Variants in SPATA6 observed in about 807,000 individuals in gnomAD.
SPATA6 encodes the protein spermatogenesis-associated protein 6.
Under a neutral mutation model 65.3 loss-of-function variants are expected in SPATA6, and 56 were observed. The ratio of observed to expected loss-of-function variants is 0.86; its 90% CI spans 0.69 to 1.07. SPATA6 has a LOEUF of 1.07. Ranked by LOEUF, SPATA6 falls within the 50% of genes least tolerant of loss-of-function variation. SPATA6 has a pLI of 0.00. For missense variants in SPATA6, 590 were observed against 594.8 expected, an observed-to-expected ratio of 0.99 and a Z score of 0.08; for synonymous variants, 199 against 213.2, an observed-to-expected ratio of 0.93 and a Z score of 0.58.
In SPATA6 at chr1:48,403,463, C is replaced by T. The variant is rs867065244; in HGVS notation, c.486+339G>A. 2.0e-5 allele frequency among the ~76,000 whole-genome samples: 3 copies of T among 152,266 alleles called. 1 individual carries two copies. Among genetic ancestry groups the T allele is most frequent in the Middle Eastern group, 6.8e-3 (2 of 294 alleles). ...TTGCAGTATTCTGTAACTTCCATAACATTTAAAGAAGCCTAGATCTCTGTG... is the reference window on the plus strand; with the variant it reads ...TTGCAGTATTCTGTAACTTCCATAATATTTAAAGAAGCCTAGATCTCTGTG... On this transcript the variant is annotated intron_variant, in intron 6 of 12. Transcript: ENST00000371847.
intron 1 of SPATA6, among the ~76,000 whole-genome samples, chr1:48,460,452 T>C (rs1031019248): frequency 1.3e-5 from 2 of 152,130 alleles, no homozygotes; most frequent in Non-Finnish European, 2.9e-5. Flanking sequence ...AAATCTGATA[T>C]CAAACATACT....
chr1:48,456,700 A>T (rs1428159928), intron 1 of SPATA6, among the ~76,000 whole-genome samples: 1 of 152,170 alleles, frequency 6.6e-6, no homozygotes, highest in Non-Finnish European at 1.5e-5. Context: ...AACAGAACCA[A>T]ATAAAAATTC....
At chr1:48,437,129 A>G in intron 3 of SPATA6, 1 of 1,600,400 alleles carries the variant, frequency 6.2e-7, no homozygotes, top group Non-Finnish European at 8.6e-7. Context: ...CCTCCTGCTT[A>G]TAACAAGCCA....
chr1:48,311,959 C>A (rs1168301732), intron 11 of SPATA6, among the ~76,000 whole-genome samples: 1 of 152,202 alleles, frequency 6.6e-6, no homozygotes, highest in Non-Finnish European at 1.5e-5. Context: ...GCCCACGGAG[C>A]CTCACTCATT....
At position 48,336,264 on chromosome 1, in the gene SPATA6, C is replaced by A. The variant is rs527570123; in HGVS notation, c.1194+19406G>T. On this transcript the variant is annotated intron_variant, in intron 11 of 12. Coordinates refer to ENST00000371847, the MANE Select transcript of SPATA6 (RefSeq NM_019073.4). ...AAAACAGAACTACCATTCAACCCAG[C>A]AATCCCATGCCTGGGTATATATTCA... 2.6e-5 allele frequency among the ~76,000 whole-genome samples: 4 copies of A among 152,158 alleles called. No individual in the cohort carries two copies. The South Asian group carries it at 8.3e-4, about 32-fold the overall frequency.
intron 11 of SPATA6, among the ~76,000 whole-genome samples, chr1:48,350,610 C>A (rs1646490630): frequency 6.6e-6 from 1 of 151,870 alleles, no homozygotes; most frequent in South Asian, 2.1e-4. Context: ...AATCTAGAAC[C>A]ATTTGTTTAA....
intron 11 of SPATA6, among the ~76,000 whole-genome samples, chr1:48,308,469 A>G (rs934380331): frequency 1.3e-5 from 2 of 152,164 alleles, no homozygotes; most frequent in Non-Finnish European, 2.9e-5. Context: ...TAAATCAGAT[A>G]TAAGAACTAA....
Position 48,445,434 on chromosome 1 carries a change from C to T in SPATA6, c.238+6118G>A, listed in dbSNP as rs561521284. Among the ~76,000 whole-genome samples, 126 of 152,128 alleles carry T rather than the reference C, an allele frequency of 8.3e-4. 1 individual carries two copies. The highest frequency in any genetic ancestry group is 2.8e-3 in the African/African-American group (118 of 41,504). On this transcript the variant is annotated intron_variant, in intron 3 of 12. Transcript: ENST00000371847. ...ATCCCAGCACTTTGGGAGGCCAAGGCGGGTGAATCACGAGGTCAGATCGAG... is the reference window on the plus strand; with the variant it reads ...ATCCCAGCACTTTGGGAGGCCAAGGTGGGTGAATCACGAGGTCAGATCGAG...
At chr1:48,313,087 C>T (rs931495327) in intron 11 of SPATA6, among the ~76,000 whole-genome samples, 7 of 152,130 alleles carry the variant, frequency 4.6e-5, no homozygotes, top group Non-Finnish European at 7.3e-5. Context: ...CTGAAAGTGA[C>T]GGGGAGAATG....
At chr1:48,340,785 G>C (rs10788887) in intron 11 of SPATA6, among the ~76,000 whole-genome samples, 2 of 152,072 alleles carry the variant, frequency 1.3e-5, no homozygotes, top group African/African-American at 2.4e-5. Flanking sequence ...CTTAAATATA[G>C]GGATACAAGA....
At chr1:48,373,743 C>A (rs1647569326) in intron 9 of SPATA6, among the ~76,000 whole-genome samples, 1 of 152,172 alleles carries the variant, frequency 6.6e-6, no homozygotes, top group African/African-American at 2.4e-5. Context: ...ATGGCGGCAG[C>A]AAGAGAGAAT....
At chr1:48,404,692 A>T (rs1651526163) in intron 5 of SPATA6, among the ~76,000 whole-genome samples, 2 of 152,180 alleles carry the variant, frequency 1.3e-5, no homozygotes, top group Non-Finnish European at 2.9e-5. Flanking sequence ...GTTCCTCGGC[A>T]TGTAGTTCTT....
chr1:48,430,132 T>C (rs1442292080), intron 3 of SPATA6, among the ~76,000 whole-genome samples: 4 of 152,072 alleles, frequency 2.6e-5, no homozygotes, highest in Non-Finnish European at 5.9e-5. Flanking sequence ...AATGTAAATA[T>C]TCAAGAAGCT....
At chr1:48,467,924 C>G (rs759097380) in intron 1 of SPATA6, among the ~76,000 whole-genome samples, 1 of 151,940 alleles carries the variant, frequency 6.6e-6, no homozygotes, top group Non-Finnish European at 1.5e-5. Flanking sequence ...AAAGGGGAAC[C>G]CTTGTACACC....
Position 48,355,654 on chromosome 1 carries a change from A to T in SPATA6, c.1194+16T>A. The T allele has an allele frequency of 6.3e-7, 1 of 1,591,200 alleles. No homozygotes were observed. Among genetic ancestry groups the T allele is most frequent in the Non-Finnish European group, 8.6e-7 (1 of 1,166,690 alleles). ...CTATTATAAATAGTCTTCAAAAAAAAATTTTAGAAACTAACATATAAATGT... is the reference window on the plus strand; with the variant it reads ...CTATTATAAATAGTCTTCAAAAAAATATTTTAGAAACTAACATATAAATGT... On this transcript the variant is annotated intron_variant, in intron 11 of 12. Transcript: ENST00000371847.
At chr1:48,442,734 A>AC (rs1655632639) in intron 3 of SPATA6, among the ~76,000 whole-genome samples, 2 of 150,158 alleles carry the variant, frequency 1.3e-5, no homozygotes, top group South Asian at 2.1e-4. Flanking sequence ...AAAAAAAAAA[A>AC]AAAAAAAAAA....
intron 11 of SPATA6, among the ~76,000 whole-genome samples, chr1:48,345,654 G>A (rs76200252): frequency 0.098 from 14,845 of 151,862 alleles, 874 homozygotes; most frequent in South Asian, 0.17. Flanking sequence ...AAACAACAAG[G>A]GGATATTACC....
intron 11 of SPATA6, among the ~76,000 whole-genome samples, chr1:48,308,742 C>T (rs1645124466): frequency 6.6e-6 from 1 of 152,102 alleles, no homozygotes; most frequent in Non-Finnish European, 1.5e-5. Flanking sequence ...CTTTTCAGTA[C>T]ATTGAATATA....
chr1:48,310,363 T>C (rs1645172921), intron 11 of SPATA6, among the ~76,000 whole-genome samples: 1 of 152,172 alleles, frequency 6.6e-6, no homozygotes. Flanking sequence ...ATTTTGGTTT[T>C]CACTGAGATT....
Sources: gnomAD v4.1 joint callset for allele counts (sites outside exome capture counted in the v4.1 genomes callset) on GRCh38, gnomAD v4.1.1 for gene constraint, MANE v1.5 for transcripts, NCBI Gene and HGNC (gene_info 2026-07-23, HGNC 2026-07-21) for gene names.